PRELID2: variants seen among roughly 807,000 people sequenced by gnomAD.
PRELID2 encodes PRELI domain containing 2.
In PRELID2, 25 loss-of-function variants were observed where a neutral mutation model predicts 28.4. The ratio of observed to expected loss-of-function variants is 0.88; its 90% confidence interval spans 0.64 to 1.23. PRELID2 has a LOEUF of 1.23. Among genes scored for constraint, PRELID2 ranks in the 50% most tolerant of loss-of-function variants. PRELID2 has a pLI of 0.00. For synonymous variants in PRELID2, 76 were observed against 71.6 expected (o/e 1.06, Z -0.31); for missense variants, 201 against 214.4 (o/e 0.94, Z 0.39).
chr5:145,327,665 T>C, the PRELID2 span, among the ~76,000 whole-genome samples: 1 of 152,152 alleles, frequency 6.6e-6, no homozygotes, highest in African/African-American at 2.4e-5. Flanking sequence ...GATTGTTTTA[T>C]AGTTCTTTTC....
intron 1 of PRELID2, among the ~76,000 whole-genome samples, chr5:145,641,185 C>T (rs1754101097): frequency 6.6e-6 from 1 of 151,602 alleles, no homozygotes; most frequent in Non-Finnish European, 1.5e-5. Context: ...TTCCTCTCAA[C>T]AAAAAGACAC....
chr5:145,364,629 T>C, the PRELID2 span, among the ~76,000 whole-genome samples: 3 of 152,018 alleles, frequency 2.0e-5, no homozygotes, highest in African/African-American at 7.2e-5. Context: ...ACCAGGCTAC[T>C]ACAACAGAAA....
intron 1 of PRELID2, among the ~76,000 whole-genome samples, chr5:145,511,116 C>T (rs10040423): frequency 1.2e-4 from 18 of 152,204 alleles, no homozygotes; most frequent in African/African-American, 4.1e-4. Context: ...CAATCTCTAA[C>T]TGCTGTCCTG....
the PRELID2 span, among the ~76,000 whole-genome samples, chr5:145,374,104 TTTG>T: frequency 2.0e-5 from 3 of 151,602 alleles, no homozygotes; most frequent in Admixed American, 2.0e-4. Flanking sequence ...TTGGTGTGTT[TTTG>T]CAAGGGCTGG....
chr5:145,782,975 C>G (rs552765751), intron 5 of PRELID2, among the ~76,000 whole-genome samples: 2 of 152,214 alleles, frequency 1.3e-5, no homozygotes, highest in Non-Finnish European at 2.9e-5. Context: ...AGCAACACAG[C>G]CCTCAGAGAG....
chr5:145,258,610 C>G, the PRELID2 span, among the ~76,000 whole-genome samples: 1 of 152,174 alleles, frequency 6.6e-6, no homozygotes, highest in Admixed American at 6.5e-5. Context: ...GTAAAGCATT[C>G]AAGATGTCAC....
intron 1 of PRELID2, among the ~76,000 whole-genome samples, chr5:145,663,496 C>T (rs1053760278): frequency 1.6e-4 from 24 of 152,154 alleles, no homozygotes; most frequent in African/African-American, 5.3e-4. Flanking sequence ...GGAAGCTTCA[C>T]GGAGGAAGGG....
the PRELID2 span, among the ~76,000 whole-genome samples, chr5:145,434,210 G>A: frequency 6.6e-6 from 1 of 152,120 alleles, no homozygotes; most frequent in Admixed American, 6.5e-5. Context: ...CTCTTGCTTA[G>A]TTCAGTTAAA....
At chr5:145,530,367 A>T (rs1752644213) in intron 1 of PRELID2, among the ~76,000 whole-genome samples, 1 of 152,116 alleles carries the variant, frequency 6.6e-6, no homozygotes, top group Non-Finnish European at 1.5e-5. Context: ...TTACAAACTC[A>T]TGAGAAAAGT....
At chr5:145,461,266 T>A in the PRELID2 span, among the ~76,000 whole-genome samples, 1 of 152,216 alleles carries the variant, frequency 6.6e-6, no homozygotes, top group African/African-American at 2.4e-5. Context: ...TCTTTATTGC[T>A]CATCGACTGT....
In PRELID2 at chr5:145,820,017, A is replaced by T. The variant is rs1028237033; in HGVS notation, c.135T>A (p.Asp45Glu). 8 of 1,574,116 alleles carry T rather than the reference A, an allele frequency of 5.1e-6. No individual in the cohort carries two copies. Among genetic ancestry groups the T allele is most frequent in the Non-Finnish European group, 6.9e-6 (8 of 1,158,974 alleles). ...TTCTGTAGATGACCCCTGTTGATTC[A>T]TCTAAAAAAGAAATTTTTTTACACA... is the stretch of plus-strand genomic sequence containing the variant. ...ISVKIMEEKR[D>E]ESTGVIYRKR... The change falls in exon 3 of 7, where the codon GAT becomes GAA. Residue 45 changes from aspartate to glutamate, a missense_variant and splice_region_variant. Asp to Glu is a conservative substitution (Grantham distance 45). Transcript: ENST00000683046.
chr5:145,613,301 T>C (rs982463986), intron 1 of PRELID2, among the ~76,000 whole-genome samples: 3 of 152,034 alleles, frequency 2.0e-5, no homozygotes, highest in African/African-American at 7.2e-5. Context: ...TATTTATTTA[T>C]TTTTTTATTA....
At chr5:145,269,391 T>C in the PRELID2 span, among the ~76,000 whole-genome samples, 1 of 152,014 alleles carries the variant, frequency 6.6e-6, no homozygotes, top group African/African-American at 2.4e-5. Context: ...AATGTAATTG[T>C]GAAATAAAAG....
chr5:145,749,932 G>A (rs577144512), intron 1 of PRELID2, among the ~76,000 whole-genome samples: 5 of 152,062 alleles, frequency 3.3e-5, no homozygotes, highest in Middle Eastern at 6.8e-3. Context: ...CATGGACACA[G>A]AGAGGGGAAC....
intron 1 of PRELID2, among the ~76,000 whole-genome samples, chr5:145,617,367 T>G (rs1753713303): frequency 6.6e-6 from 1 of 152,172 alleles, no homozygotes; most frequent in South Asian, 2.1e-4. Flanking sequence ...GAGATTGCAG[T>G]AAAGACAGGC....
intron 1 of PRELID2, among the ~76,000 whole-genome samples, chr5:145,698,636 C>T (rs1282935044): frequency 6.6e-6 from 1 of 152,140 alleles, no homozygotes; most frequent in African/African-American, 2.4e-5. Context: ...GCTGTCTGAG[C>T]GTTCTTTAAT....
chr5:145,269,887 T>TATATAC, the PRELID2 span, among the ~76,000 whole-genome samples: 3 of 148,790 alleles, frequency 2.0e-5, no homozygotes, highest in African/African-American at 7.4e-5. Context: ...TATATATATA[T>TATATAC]GTATACACAC....
the PRELID2 span, among the ~76,000 whole-genome samples, chr5:145,464,412 G>A: frequency 2.5e-3 from 385 of 152,202 alleles, 1 homozygote; most frequent in African/African-American, 8.5e-3. Flanking sequence ...ACAAGATTAG[G>A]CCTTGACAAG....
intron 5 of PRELID2, among the ~76,000 whole-genome samples, chr5:145,792,468 A>G (rs1752456999): frequency 6.6e-6 from 1 of 152,232 alleles, no homozygotes; most frequent in African/African-American, 2.4e-5. Flanking sequence ...CTGAACACCA[A>G]ACAAGGCTCA....
Sources: gnomAD v4.1 joint callset for allele counts (sites outside exome capture counted in the v4.1 genomes callset) on GRCh38, gnomAD v4.1.1 for gene constraint, MANE v1.5 for transcripts, NCBI Gene and HGNC (gene_info 2026-07-23, HGNC 2026-07-21) for gene names.